The following FMN1 variants were observed in gnomAD, a reference collection of about 807,000 sequenced individuals.
FMN1 encodes formin 1.
A neutral mutation model predicts 132.4 loss-of-function variants in FMN1; 110 were observed. That is an observed-to-expected ratio of 0.83 (90% CI 0.71 to 0.97). The LOEUF (loss-of-function observed/expected upper bound fraction) is 0.97, where lower values mean the gene tolerates loss of function less well. Ranked by LOEUF, FMN1 falls within the 50% of genes least tolerant of loss-of-function variation. The pLI is 0.00. For missense variants in FMN1, 1,792 were observed against 1,705.3 expected (o/e 1.05, Z -0.90); for synonymous variants, 722 against 651.7 (o/e 1.11, Z -1.64).
chr15:32,930,114 C>G (rs1012702938), intron 9 of FMN1, among the ~76,000 whole-genome samples: 6 of 150,586 alleles, frequency 4.0e-5, no homozygotes, highest in African/African-American at 1.5e-4. Flanking sequence ...CTCAGCCTCC[C>G]AAGTAGCTGG....
chr15:32,943,302 C>T (rs142750340), intron 9 of FMN1, among the ~76,000 whole-genome samples: 138 of 152,330 alleles, frequency 9.1e-4, no homozygotes, highest in African/African-American at 3.0e-3. Context: ...ATAAATTAGA[C>T]AATCTGATTC....
intron 16 of FMN1, among the ~76,000 whole-genome samples, chr15:32,885,269 G>A (rs2059868786): frequency 6.6e-6 from 1 of 152,166 alleles, no homozygotes; most frequent in African/African-American, 2.4e-5. Context: ...GTCTACATGT[G>A]TGGTTTTGGG....
chr15:33,011,625 A>G (rs1015303326), intron 6 of FMN1, among the ~76,000 whole-genome samples: 2 of 152,146 alleles, frequency 1.3e-5, no homozygotes, highest in South Asian at 4.1e-4. Context: ...TATACCATAG[A>G]GAAACAGATT....
chr15:32,785,192 G>GTATATATA (rs1567162734), intron 19 of FMN1, among the ~76,000 whole-genome samples: 1 of 23,174 alleles, frequency 4.3e-5, no homozygotes, highest in African/African-American at 1.3e-4. Context: ...GTGTGTGTGT[G>GTATATATA]TGTGTGTGTA....
At chr15:33,172,449 G>A (rs761774781) in intron 3 of FMN1, among the ~76,000 whole-genome samples, 99 of 152,222 alleles carry the variant, frequency 6.5e-4, no homozygotes, top group Non-Finnish European at 1.2e-3. Flanking sequence ...CACACATGCG[G>A]TGAGAGTGTT....
Position 33,153,664 on chromosome 15 carries a change from C to G in FMN1, c.1251G>C (p.Val417=). 2 of 1,536,336 alleles carry G rather than the reference C, an allele frequency of 1.3e-6. No individual in the cohort carries two copies. Among genetic ancestry groups the G allele is most frequent in the Non-Finnish European group, 1.7e-6 (2 of 1,146,970 alleles). ...CTATCACCTTCAGGGGGACCTTGTT[C>G]ACGGCCCCCTCGGCACTGGCCGACA... ...SSVSASAEGA[V]NKVPLKVIES... The change falls in exon 4 of 21, where the codon GTG becomes GTC. Residue 417 remains valine (V), a synonymous_variant. Coordinates refer to ENST00000616417, the MANE Select transcript of FMN1 (RefSeq NM_001277313.2).
At chr15:33,181,548 G>C (rs1423441071) in intron 2 of FMN1, among the ~76,000 whole-genome samples, 1 of 152,162 alleles carries the variant, frequency 6.6e-6, no homozygotes. Flanking sequence ...GATGGTATCA[G>C]ATGAGATTAG....
At chr15:32,973,617 C>T (rs2031972350) in intron 7 of FMN1, among the ~76,000 whole-genome samples, 1 of 150,098 alleles carries the variant, frequency 6.7e-6, no homozygotes, top group African/African-American at 2.5e-5. Context: ...TTTCCTGTTT[C>T]ATAATCTCTC....
In FMN1 at chr15:32,981,871, A is replaced by C. The variant is rs546401541; in HGVS notation, c.2224-12394T>G. ...CAACTAAAAAATTCATTTTTAAAAC[A>C]GCATGATCCATTTAAAAACTGATCA... On this transcript the variant is annotated intron_variant, in intron 7 of 20. Transcript: ENST00000616417. 2.6e-4 allele frequency among the ~76,000 whole-genome samples: 40 copies of C among 152,330 alleles called. No homozygotes were observed. In the South Asian group the frequency reaches 7.9e-3, roughly 30 times the overall value.
Position 32,900,020 on chromosome 15 carries a change from T to C in FMN1, c.3613A>G (p.Ser1205Gly). Residue 1205 changes from serine (S) to glycine (G), a missense_variant, in exon 14 of 21, where the codon AGC (serine) becomes GGC (glycine). Physicochemically the swap from Ser to Gly is moderately conservative, Grantham distance 56. Transcript: ENST00000616417. ...TTGAGTTTGGGCAGAATTTCTAAGC[T>C]ATATCCATCGGCTTGTCCCCGAGTC... ...NRTRGQADGY[S>G]LEILPKLKDV... is the part of the protein sequence containing the mutation. 9 of 1,613,988 alleles carry C rather than the reference T, an allele frequency of 5.6e-6. No individual in the cohort carries two copies. The highest frequency in any genetic ancestry group is 7.6e-6 in the Non-Finnish European group (9 of 1,179,874).
At chr15:32,853,395 T>C (rs1436435765) in intron 17 of FMN1, among the ~76,000 whole-genome samples, 1 of 152,244 alleles carries the variant, frequency 6.6e-6, no homozygotes, top group Non-Finnish European at 1.5e-5. Flanking sequence ...TTGTGGCTTA[T>C]GGCAGTAATT....
At chr15:32,977,067 C>G (rs531149127) in intron 7 of FMN1, among the ~76,000 whole-genome samples, 3 of 152,154 alleles carry the variant, frequency 2.0e-5, no homozygotes, top group Admixed American at 2.0e-4. Context: ...TCAGATGACT[C>G]CCTAAATTGA....
chr15:32,971,079 C>T lies in FMN1; in HGVS notation c.2224-1602G>A, dbSNP rs572227291. ...TAGGCACTTGCGAGTTCTATGACCT[C>T]AGACAGGGAACGCTGTGTCCCTAAG... On this transcript the variant is annotated intron_variant, in intron 7 of 20. Transcript: ENST00000616417. 2.6e-5 allele frequency among the ~76,000 whole-genome samples: 4 copies of T among 152,320 alleles called. No homozygotes were observed. The South Asian group carries it at 8.3e-4, about 32-fold the overall frequency.
At chr15:32,953,106 TCA>T (rs1235970600) in intron 9 of FMN1, among the ~76,000 whole-genome samples, 1 of 152,148 alleles carries the variant, frequency 6.6e-6, no homozygotes, top group Admixed American at 6.5e-5. Flanking sequence ...CACCCGCTCT[TCA>T]GAGTCCAATC....
intron 17 of FMN1, among the ~76,000 whole-genome samples, chr15:32,826,026 A>G (rs2058356346): frequency 6.6e-6 from 1 of 152,238 alleles, no homozygotes; most frequent in South Asian, 2.1e-4. Flanking sequence ...ATAACAGCAC[A>G]TTTTGGATAA....
intron 9 of FMN1, among the ~76,000 whole-genome samples, chr15:32,932,855 T>C (rs1349594470): frequency 6.6e-6 from 1 of 152,182 alleles, no homozygotes; most frequent in Non-Finnish European, 1.5e-5. Flanking sequence ...TTCTCTCTCA[T>C]TTTGTATATA....
chr15:32,866,200 A>C (rs1296107836), intron 16 of FMN1, among the ~76,000 whole-genome samples: 2 of 151,344 alleles, frequency 1.3e-5, no homozygotes, highest in East Asian at 3.9e-4. Flanking sequence ...CACGTTGTGC[A>C]CATGTACCCT....
chr15:32,945,753 CCTGTGTAGAGGTGAAG>C (rs1486625985), intron 9 of FMN1, among the ~76,000 whole-genome samples: 1 of 151,892 alleles, frequency 6.6e-6, no homozygotes, highest in Non-Finnish European at 1.5e-5. Flanking sequence ...CTTTCCCACT[CCTGTGTAGAGGTGAAG>C]AGCCAGCAAG....
At position 33,021,446 on chromosome 15, in the gene FMN1, T is replaced by TAC. The variant is rs372662363; in HGVS notation, c.2162-13373_2162-13372dup. Among the ~76,000 whole-genome samples the TAC allele has an allele frequency of 8.8e-4, 134 of 151,454 alleles. 1 individual carries two copies. The highest frequency in any genetic ancestry group is 2.6e-3 in the African/African-American group (106 of 41,340). On this transcript the variant is annotated intron_variant, in intron 6 of 20. Transcript: ENST00000616417. ...ACCAACTTCTCTCTCTCTCTATGCA[T>TAC]ACACACACACACACACAGAGAAAAA... is the stretch of plus-strand genomic sequence containing the variant.
Sources: allele counts gnomAD v4.1 joint callset (sites outside exome capture counted in the v4.1 genomes callset), GRCh38; gene constraint gnomAD v4.1.1; transcripts MANE v1.5; gene names NCBI Gene and HGNC (gene_info 2026-07-23, HGNC 2026-07-21).